Variants in TOX3 observed in about 807,000 individuals in gnomAD.
The protein encoded by TOX3 is CAG trinucleotide repeat-containing gene F9 protein.
TOX3 carries 22 observed loss-of-function variants against 64.3 expected under a neutral mutation model. That is an observed-to-expected ratio of 0.34 (90% CI 0.24 to 0.49). The LOEUF is 0.49. Among genes scored for constraint, TOX3 ranks in the 20% least tolerant of loss-of-function variants. TOX3 has a pLI of 0.99. For synonymous variants in TOX3, 291 were observed against 273.6 expected, an observed-to-expected ratio of 1.06 and a Z score of -0.63; for missense variants, 661 against 714.4, an observed-to-expected ratio of 0.93 and a Z score of 0.85.
At chr16:52,505,016 G>A (rs1962123989) in intron 1 of TOX3, among the ~76,000 whole-genome samples, 1 of 152,098 alleles carries the variant, frequency 6.6e-6, no homozygotes, top group South Asian at 2.1e-4. Flanking sequence ...TGTATTTTTA[G>A]TAGAGACGGG....
intron 3 of TOX3, among the ~76,000 whole-genome samples, chr16:52,457,200 C>T (rs7206130): frequency 0.14 from 21,245 of 152,146 alleles, 2,324 homozygotes; most frequent in East Asian, 0.58. Context: ...ATACATACTA[C>T]GGTCTTGCTT....
At chr16:52,441,091 G>T (rs1959969500) in intron 6 of TOX3, among the ~76,000 whole-genome samples, 1 of 152,052 alleles carries the variant, frequency 6.6e-6, no homozygotes, top group Non-Finnish European at 1.5e-5. Flanking sequence ...TTGTGCAGAG[G>T]TTGTGAGAAT....
Position 52,437,519 on chromosome 16 carries a change from T to C in TOX3, c.*1706A>G, listed in dbSNP as rs1236717696. On this transcript the variant is annotated 3_prime_UTR_variant, in exon 7 of 7. Coordinates refer to ENST00000219746, the MANE Select transcript of TOX3 (RefSeq NM_001080430.4). ...TGCCAGTGGTAATTTGCAATTTTTA[T>C]CAAGACCTCTTCATTATAGCTTCTG... 3 of 152,274 alleles carry C rather than the reference T, an allele frequency of 2.0e-5. No homozygotes were observed. The highest frequency in any genetic ancestry group is 1.3e-4 in the Admixed American group (2 of 15,286). 9.4% of individuals were successfully genotyped at this position (152,274 alleles called of 1,614,324 possible). A position where few individuals can be genotyped will look rare whatever the true frequency, so the allele number is the denominator to read the frequency against.
At chr16:52,458,357 G>C (rs989581320) in intron 3 of TOX3, among the ~76,000 whole-genome samples, 1 of 152,228 alleles carries the variant, frequency 6.6e-6, no homozygotes, top group Non-Finnish European at 1.5e-5. Flanking sequence ...TGCAAAGGAC[G>C]ACAAGGGCTG....
At chr16:52,522,451 A>T (rs1233610482) in intron 1 of TOX3, among the ~76,000 whole-genome samples, 1 of 152,228 alleles carries the variant, frequency 6.6e-6, no homozygotes, top group Non-Finnish European at 1.5e-5. Flanking sequence ...ACTGGCAGGC[A>T]GAGTGGAGGA....
rs573944378 is a variant in TOX3, at chr16:52,437,635, G to C, written c.*1590C>G. Among the ~76,000 whole-genome samples, 162 of 152,184 alleles carry C rather than the reference G, an allele frequency of 1.1e-3. No homozygotes were observed. Among genetic ancestry groups the C allele is most frequent in the African/African-American group, 3.5e-3 (147 of 41,516 alleles). ...AGGAACCGCTACAGAGCAAGAAAAG[G>C]GGGGAATAAATGGGCACCGAAATAA... On this transcript the variant is annotated 3_prime_UTR_variant, in exon 7 of 7. Coordinates refer to ENST00000219746, the MANE Select transcript of TOX3 (RefSeq NM_001080430.4).
intron 1 of TOX3, among the ~76,000 whole-genome samples, chr16:52,498,941 G>A (rs892428946): frequency 6.6e-6 from 1 of 152,176 alleles, no homozygotes; most frequent in Non-Finnish European, 1.5e-5. Flanking sequence ...AGTTTCAAGT[G>A]AGCTGGAACA....
rs535209005 is a variant in TOX3 at position 52,437,462 on chromosome 16, T to C, written c.*1763A>G. 1 of 152,340 alleles carries C rather than the reference T, an allele frequency of 6.6e-6. No homozygotes were observed. The highest frequency in any genetic ancestry group is 2.4e-5 in the African/African-American group (1 of 41,586). 9.4% of individuals were successfully genotyped at this position (152,340 alleles called of 1,614,324 possible). A position where few individuals can be genotyped will look rare whatever the true frequency, so the allele number is the denominator to read the frequency against. On this transcript the variant is annotated 3_prime_UTR_variant, in exon 7 of 7. Coordinates refer to ENST00000219746, the MANE Select transcript of TOX3 (RefSeq NM_001080430.4). ...CAGGGTTGACACTTGCTGTTTTTAA[T>C]TTTCATTTTATCATAAGCAGTTTAA... is the stretch of plus-strand genomic sequence containing the variant.
chr16:52,496,987 G>A (rs112670316), intron 1 of TOX3, among the ~76,000 whole-genome samples: 2,438 of 151,896 alleles, frequency 0.016, 84 homozygotes, highest in African/African-American at 0.056. Flanking sequence ...TAATGTAGAC[G>A]GATGTTAAGT....
rs1240643738 is a variant in TOX3, at chr16:52,485,222, ATGTG to A, written c.88-16652_88-16649del. Among the ~76,000 whole-genome samples the A allele has an allele frequency of 7.1e-3, 733 of 102,784 alleles. 8 individuals are homozygous for A. The highest frequency in any genetic ancestry group is 0.024 in the African/African-American group (666 of 28,246). The allele number at this position is 102,784 out of a possible 152,430, so 67.4% of individuals were successfully genotyped here. ...TGTGTATATGTGTGTGTGTATATAC[ATGTG>A]TGTGTGTGTATGTGTGTGTGTATAT... On this transcript the variant is annotated intron_variant, in intron 1 of 6. Transcript: ENST00000219746.
intron 1 of TOX3, among the ~76,000 whole-genome samples, chr16:52,496,568 G>T (rs1961854885): frequency 6.6e-6 from 1 of 152,148 alleles, no homozygotes. Flanking sequence ...TCACACCAAG[G>T]CTAAGTAAAT....
chr16:52,463,331 T>C (rs905818466), intron 3 of TOX3, among the ~76,000 whole-genome samples: 6 of 152,176 alleles, frequency 3.9e-5, no homozygotes, highest in Non-Finnish European at 5.9e-5. Context: ...CTAAGAAAAA[T>C]AGAACCAAAA....
chr16:52,456,405 T>A (rs974845807), intron 3 of TOX3, among the ~76,000 whole-genome samples: 23 of 152,334 alleles, frequency 1.5e-4, no homozygotes, highest in African/African-American at 5.5e-4. Flanking sequence ...ATGGATCTCA[T>A]AAAATGCTCT....
intron 1 of TOX3, among the ~76,000 whole-genome samples, chr16:52,476,284 G>T (rs1961203621): frequency 1.3e-5 from 2 of 152,152 alleles, no homozygotes; most frequent in Non-Finnish European, 2.9e-5. Flanking sequence ...TATGGACTCT[G>T]CTCAAACACG....
intron 3 of TOX3, among the ~76,000 whole-genome samples, chr16:52,452,161 A>C (rs67148094): frequency 0.2 from 30,519 of 152,172 alleles, 4,059 homozygotes; most frequent in East Asian, 0.72. Context: ...TTTGGGAAAA[A>C]AAAAAGTGTA....
chr16:52,473,816 C>G (rs544687665), intron 1 of TOX3, among the ~76,000 whole-genome samples: 1 of 152,220 alleles, frequency 6.6e-6, no homozygotes, highest in African/African-American at 2.4e-5. Flanking sequence ...AGAAACAAAA[C>G]ATTGCAAACA....
At position 52,546,669 on chromosome 16, in the gene TOX3, C is replaced by A; in HGVS notation, c.55G>T (p.Ala19Ser). The change falls in exon 1 of 7, where the codon GCG becomes TCG. Residue 19 changes from alanine to serine, a missense_variant. By Grantham distance (99) the Ala-to-Ser change is moderately conservative. Around this residue, in one of 3 missense-constraint regions of TOX3, gnomAD observed 259 missense variants for 261.2 expected, o/e 0.99. Coordinates refer to ENST00000219746, the MANE Select transcript of TOX3 (RefSeq NM_001080430.4). Reference protein sequence around the residue: ...AAGDPASLDFAQCLGYYGYSK... With the variant: ...AAGDPASLDFSQCLGYYGYSK... ...TAGCCGTAGTACCCCAGGCACTGCG[C>A]GAAGTCCAGGCTGGCAGGGTCCCCG... 6.5e-7 allele frequency: 1 copy of A among 1,544,338 alleles called. No homozygotes were observed. The highest frequency in any genetic ancestry group is 8.7e-7 in the Non-Finnish European group (1 of 1,148,226).
chr16:52,444,208 T>G (rs1013663262), intron 6 of TOX3, 68 bp downstream of exon 6: 3 of 1,253,782 alleles, frequency 2.4e-6, no homozygotes, highest in Non-Finnish European at 3.3e-6. Context: ...AAGTATGTTT[T>G]CAATGCTTGA....
chr16:52,491,330 C>G (rs2151457633), intron 1 of TOX3, among the ~76,000 whole-genome samples: 1 of 152,228 alleles, frequency 6.6e-6, no homozygotes, highest in African/African-American at 2.4e-5. Context: ...TCACACTGGA[C>G]TATGATTGGT....
Sources: gnomAD v4.1 joint callset for allele counts (sites outside exome capture counted in the v4.1 genomes callset) on GRCh38, gnomAD v4.1.1 for gene constraint, gnomAD v4.1.1 regional missense constraint, MANE v1.5 for transcripts, NCBI Gene and HGNC (gene_info 2026-07-23, HGNC 2026-07-21) for gene names.